IL1RL1: variants seen among roughly 807,000 people sequenced by gnomAD.
IL1RL1 encodes the protein interleukin 1 receptor like 1, also known as interleukin-1 receptor-like 1.
In IL1RL1, 32 loss-of-function variants were observed where a neutral mutation model predicts 50.9. The ratio of observed to expected loss-of-function variants is 0.63; its 90% CI spans 0.47 to 0.84. The LOEUF (loss-of-function observed/expected upper bound fraction) is 0.84. Ranked by LOEUF, IL1RL1 falls within the 40% of genes least tolerant of loss-of-function variation. The pLI is 0.00. For synonymous variants in IL1RL1, 275 were observed against 236.0 expected, an observed-to-expected ratio of 1.17 and a Z score of -1.51; for missense variants, 773 against 662.9, an observed-to-expected ratio of 1.17 and a Z score of -1.82.
intron 8 of IL1RL1, chr2:102,343,627 C>T (rs1573158055): frequency 7.0e-7 from 1 of 1,437,430 alleles, no homozygotes; most frequent in Non-Finnish European, 9.1e-7. Context: ...GTTCGTCCTC[C>T]CCCACTCCCT....
chr2:102,351,197 T>C (rs1677918674), intron 10 of IL1RL1, among the ~76,000 whole-genome samples: 1 of 152,194 alleles, frequency 6.6e-6, no homozygotes, highest in Non-Finnish European at 1.5e-5. Context: ...GAAGATAATA[T>C]GTATTCTAAG....
chr2:102,322,319 G>A lies in IL1RL1; in HGVS notation c.-150+10696G>A, dbSNP rs1403441350. ...TGGCCATCCTTCATGCTTTTGTGTTGCCTGTCCCATTGCCCTTAATCTTAT... is the reference window on the plus strand; with the variant it reads ...TGGCCATCCTTCATGCTTTTGTGTTACCTGTCCCATTGCCCTTAATCTTAT... On this transcript the variant is annotated intron_variant, in intron 1 of 10. Transcript: ENST00000233954. 6.6e-5 allele frequency among the ~76,000 whole-genome samples: 10 copies of A among 152,094 alleles called. No homozygotes were observed. In the East Asian group the frequency reaches 1.9e-3, roughly 29 times the overall value.
At chr2:102,321,868 T>C (rs1473573214) in intron 1 of IL1RL1, among the ~76,000 whole-genome samples, 1 of 152,186 alleles carries the variant, frequency 6.6e-6, no homozygotes, top group Non-Finnish European at 1.5e-5. Flanking sequence ...GTAAAAACAT[T>C]ATTGTGCGGT....
In IL1RL1 at chr2:102,349,154, A is replaced by T; in HGVS notation, c.1193A>T (p.Glu398Val). 6.2e-7 allele frequency: 1 copy of T among 1,613,370 alleles called. No individual in the cohort carries two copies. The highest frequency in any genetic ancestry group is 8.5e-7 in the Non-Finnish European group (1 of 1,179,318). Residue 398 changes from glutamate (E) to valine (V), a missense_variant, in exon 10 of 11, where the codon GAG becomes GTG. Physicochemically the swap from Glu to Val is moderately radical, Grantham distance 121 (BLOSUM62 -2). Coordinates refer to ENST00000233954, the MANE Select transcript of IL1RL1 (RefSeq NM_016232.5). ...AGTACAGATGGGGCCAGTCGTGTAG[A>T]GCACTTTGTTCACCAGATTCTGCCT... ...KSSTDGASRV[E>V]HFVHQILPDV... is the part of the protein sequence containing the mutation.
At chr2:102,344,875 A>G in intron 8 of IL1RL1, 3 of 971,074 alleles carry the variant, frequency 3.1e-6, no homozygotes, top group Non-Finnish European at 2.4e-6. Context: ...TTGCTTCCCT[A>G]CAGTTTTTTC....
At chr2:102,325,845 G>A (rs1371103538) in intron 1 of IL1RL1, among the ~76,000 whole-genome samples, 3 of 152,172 alleles carry the variant, frequency 2.0e-5, no homozygotes, top group Non-Finnish European at 4.4e-5. Context: ...AGAAATATGG[G>A]ACTATGTGAA....
At chr2:102,340,601 C>T in intron 4 of IL1RL1, 65 bp from the exon 5 acceptor site, 1 of 1,512,000 alleles carries the variant, frequency 6.6e-7, no homozygotes, top group Non-Finnish European at 9.0e-7. Flanking sequence ...AACAAACATT[C>T]TGTCAACAGA....
In IL1RL1 at chr2:102,347,982, T is replaced by C. The variant is rs1384959095; in HGVS notation, c.1008T>C (p.Cys336=). The C allele has an allele frequency of 1.3e-6, 2 of 1,559,754 alleles. No homozygotes were observed. Among genetic ancestry groups the C allele is most frequent in the Non-Finnish European group, 1.8e-6 (2 of 1,130,438 alleles). ...GCATCTACTGCATAATTGCAGTATG[T>C]AGTGTATTTTTAATGCTAATCAATG... ...HHSIYCIIAV[C]SVFLMLINVL... Residue 336 remains cysteine, a synonymous_variant, in exon 9 of 11, where the codon TGT becomes TGC. Coordinates refer to ENST00000233954, the MANE Select transcript of IL1RL1 (RefSeq NM_016232.5).
rs1036238415 is a variant in IL1RL1, at chr2:102,315,101, G to A, written c.-150+3478G>A. Among the ~76,000 whole-genome samples, 6 of 152,108 alleles carry A rather than the reference G, an allele frequency of 3.9e-5. No homozygotes were observed. In the South Asian group the frequency reaches 8.3e-4, roughly 21 times the overall value. ...CACATCCTATGCCTGTCTCTCAGGA[G>A]CCTTGCAGTCAAAGTGTGATGGAGT... On this transcript the variant is annotated intron_variant, in intron 1 of 10. Coordinates refer to ENST00000233954, the MANE Select transcript of IL1RL1 (RefSeq NM_016232.5).
At chr2:102,336,769 G>A (rs1477665657) in intron 1 of IL1RL1, among the ~76,000 whole-genome samples, 2 of 152,048 alleles carry the variant, frequency 1.3e-5, no homozygotes. Flanking sequence ...GGGATGGGGT[G>A]GAGTCACATT....
intron 8 of IL1RL1, 175 bp downstream of exon 8, chr2:102,343,590 G>C: frequency 1.3e-6 from 2 of 1,484,606 alleles, no homozygotes; most frequent in Non-Finnish European, 1.8e-6. Flanking sequence ...GTTCCTGTTT[G>C]CTGGGAGCTT....
Position 102,349,265 on chromosome 2 carries a change from A to G in IL1RL1, c.1285+19A>G, listed in dbSNP as rs200965737. 182 of 1,605,698 alleles carry G rather than the reference A, an allele frequency of 1.1e-4. 1 individual carries two copies. Among genetic ancestry groups the G allele is most frequent in the Middle Eastern group, 6.6e-4 (4 of 6,052 alleles). On this transcript the variant is annotated intron_variant, in intron 10 of 10. Transcript: ENST00000233954. ...GGAGAAGGTAAAGCTATTGACATAC[A>G]TTAGGGACAGAAATTCATGCTTATT...
Position 102,340,168 on chromosome 2 carries a change from G to A in IL1RL1, c.343G>A (p.Asp115Asn), listed in dbSNP as rs1222884775. 1 of 1,599,204 alleles carries A rather than the reference G, an allele frequency of 6.3e-7. No individual in the cohort carries two copies. Among genetic ancestry groups the A allele is most frequent in the Admixed American group, 1.8e-5 (1 of 56,448 alleles). The change falls in exon 4 of 11, where the codon GAT becomes AAT. Residue 115 changes from aspartate (D) to asparagine (N), a missense_variant. By Grantham distance (23) the Asp-to-Asn change is conservative. Coordinates refer to ENST00000233954, the MANE Select transcript of IL1RL1 (RefSeq NM_016232.5). ...AAAACAATCAGATTGCAATGTTCCA[G>A]ATTATTTGATGTATTCAACAGTATC... ...YKKQSDCNVP[D>N]YLMYSTVSGS...
intron 6 of IL1RL1, among the ~76,000 whole-genome samples, chr2:102,342,783 G>C (rs1322675456): frequency 1.3e-5 from 2 of 152,104 alleles, no homozygotes; most frequent in African/African-American, 4.8e-5. Flanking sequence ...AGAATCATTG[G>C]CCTTGTTAGT....
At chr2:102,343,670 C>T in intron 8 of IL1RL1, 1 of 1,384,970 alleles carries the variant, frequency 7.2e-7, no homozygotes, top group South Asian at 1.7e-5. Context: ...CACTCAGCTG[C>T]TTCTTTGGTC....
rs755219544 is a variant in IL1RL1, at chr2:102,343,106, G to A, written c.753G>A (p.Trp251Ter). ...CTCAGTTCTTGGCTGCCGTCCTGTG[G>A]CAGCTTAATGGAACAAAAATTACAG... ...KGTQFLAAVL[W>*]QLNGTKITDF... Residue 251 changes from tryptophan (W) to a stop codon, truncating the protein, a stop_gained, in exon 7 of 11, where the codon TGG becomes TGA. Coordinates refer to ENST00000233954, the MANE Select transcript of IL1RL1 (RefSeq NM_016232.5). LOFTEE classifies it high-confidence loss of function. 1.9e-6 allele frequency: 3 copies of A among 1,613,962 alleles called. No individual in the cohort carries two copies. In the African/African-American group the frequency reaches 4.0e-5, roughly 22 times the overall value.
chr2:102,334,016 C>T lies in IL1RL1; in HGVS notation c.-149-4100C>T, dbSNP rs137856573. 9.2e-5 allele frequency among the ~76,000 whole-genome samples: 14 copies of T among 152,206 alleles called. No individual in the cohort carries two copies. In the East Asian group the frequency reaches 2.7e-3, roughly 29 times the overall value. On this transcript the variant is annotated intron_variant, in intron 1 of 10. Transcript: ENST00000233954. ...CACTTGAGTTGGTTCCATGACTTTC[C>T]TATTGTGAACCGTGCTGCAGTGAAC...
At chr2:102,333,908 A>C (rs1411872768) in intron 1 of IL1RL1, among the ~76,000 whole-genome samples, 2 of 152,180 alleles carry the variant, frequency 1.3e-5, no homozygotes, top group African/African-American at 4.8e-5. Flanking sequence ...AGCAAAGGAC[A>C]TAATCTCATT....
Position 102,351,898 on chromosome 2 carries a change from C to T in IL1RL1, c.1648C>T (p.Pro550Ser). ...KIPRKASSLT[P>S]LAAQKQ ...TCCCAGAAAGGCCTCTAGTTTGACT[C>T]CCTTGGCTGCCCAGAAGCAATAGTG... Residue 550 changes from proline to serine, a missense_variant, in exon 11 of 11, where the codon CCC becomes TCC. Pro to Ser is a moderately conservative substitution (Grantham distance 74). Coordinates refer to ENST00000233954, the MANE Select transcript of IL1RL1 (RefSeq NM_016232.5). The T allele has an allele frequency of 6.2e-7, 1 of 1,611,278 alleles. No homozygotes were observed. Among genetic ancestry groups the T allele is most frequent in the South Asian group, 1.1e-5 (1 of 90,802 alleles).
Sources: allele counts gnomAD v4.1 joint callset (sites outside exome capture counted in the v4.1 genomes callset), GRCh38; gene constraint gnomAD v4.1.1; transcripts MANE v1.5; gene names NCBI Gene and HGNC (gene_info 2026-07-23, HGNC 2026-07-21).